Variants in GRIN2B observed in about 807,000 individuals in gnomAD.
GRIN2B encodes the protein glutamate receptor ionotropic, NMDA 2B.
GRIN2B carries 5 observed loss-of-function variants against 114.5 expected under a neutral mutation model. The ratio of observed to expected loss-of-function variants is 0.04; its 90% confidence interval spans 0.02 to 0.09. GRIN2B has a LOEUF of 0.09. Among genes scored for constraint, GRIN2B ranks in the 10% least tolerant of loss-of-function variants. The probability of loss-of-function intolerance (pLI) is 1.00; values close to 1 mark genes in which losing one functional copy is unlikely to be tolerated. For missense variants in GRIN2B, 1,108 were observed against 1,943.5 expected (o/e 0.57, Z 8.08); for synonymous variants, 787 against 745.1 (o/e 1.06, Z -0.92).
At chr12:13,763,252 T>C (rs1863715348) in intron 3 of GRIN2B, among the ~76,000 whole-genome samples, 1 of 152,200 alleles carries the variant, frequency 6.6e-6, no homozygotes, top group South Asian at 2.1e-4. Flanking sequence ...AGTACTGTCC[T>C]CACCGACACC....
chr12:13,734,782 C>T lies in GRIN2B; in HGVS notation c.1010+18535G>A, dbSNP rs575176128. Among the ~76,000 whole-genome samples the T allele has an allele frequency of 2.1e-4, 32 of 152,258 alleles. No individual in the cohort carries two copies. The East Asian group carries it at 5.6e-3, about 27-fold the overall frequency. Reference sequence around the variant, plus strand: ...AGGAATGACTAATTCTGCCTGGAATCGTCAGAGAAGGCTTCAGAGAGGAGG... The same window carrying T: ...AGGAATGACTAATTCTGCCTGGAATTGTCAGAGAAGGCTTCAGAGAGGAGG... On this transcript the variant is annotated intron_variant, in intron 4 of 13. Transcript: ENST00000609686.
intron 3 of GRIN2B, among the ~76,000 whole-genome samples, chr12:13,832,001 G>A (rs1865156723): frequency 6.6e-6 from 1 of 152,136 alleles, no homozygotes; most frequent in African/African-American, 2.4e-5. Flanking sequence ...TTCCCCTGGT[G>A]GTGAAGGGCA....
chr12:13,578,931 T>C (rs536808375), intron 10 of GRIN2B, among the ~76,000 whole-genome samples: 2 of 151,866 alleles, frequency 1.3e-5, no homozygotes, highest in South Asian at 4.2e-4. Context: ...AATGCAAAGG[T>C]TCTGACATGG....
Position 13,709,180 on chromosome 12 carries a change from C to A in GRIN2B, c.1011-33321G>T, listed in dbSNP as rs114217687. Among the ~76,000 whole-genome samples, 518 of 152,040 alleles carry A rather than the reference C, an allele frequency of 3.4e-3. 4 individuals carry two copies. The highest frequency in any genetic ancestry group is 0.012 in the African/African-American group (501 of 41,502). On this transcript the variant is annotated intron_variant, in intron 4 of 13. Transcript: ENST00000609686. ...ATATCAACAGGCAGATTGAGAAGAA[C>A]ACCAGAATTCAAAGTGTCACCAAAC...
At chr12:13,788,567 TA>T (rs1336644936) in intron 3 of GRIN2B, among the ~76,000 whole-genome samples, 1 of 152,144 alleles carries the variant, frequency 6.6e-6, no homozygotes, top group East Asian at 1.9e-4. Flanking sequence ...AAGGAAAAAT[TA>T]AGTGGTTTCC....
At chr12:13,897,503 A>G (rs1191245222) in intron 2 of GRIN2B, among the ~76,000 whole-genome samples, 1 of 152,146 alleles carries the variant, frequency 6.6e-6, no homozygotes, top group African/African-American at 2.4e-5. Flanking sequence ...CTTTACCTAA[A>G]GAAAGGTCTC....
At chr12:13,853,482 C>T (rs1865607067) in intron 3 of GRIN2B, among the ~76,000 whole-genome samples, 1 of 152,216 alleles carries the variant, frequency 6.6e-6, no homozygotes, top group Non-Finnish European at 1.5e-5. Context: ...TTTCTTTCTG[C>T]TCACTCTTTT....
chr12:13,749,708 G>A (rs1241419621), intron 4 of GRIN2B, among the ~76,000 whole-genome samples: 1 of 152,172 alleles, frequency 6.6e-6, no homozygotes, highest in Non-Finnish European at 1.5e-5. Context: ...GTAAGTAGGA[G>A]GAGCTTGAAC....
chr12:13,794,218 A>AAAG (rs1555140763), intron 3 of GRIN2B, among the ~76,000 whole-genome samples: 1 of 151,026 alleles, frequency 6.6e-6, no homozygotes, highest in Non-Finnish European at 1.5e-5. Flanking sequence ...AAAAAAAAAA[A>AAAG]AAAAAGAAAA....
chr12:13,809,228 C>CAATTTCCT (rs1864680436), intron 3 of GRIN2B, among the ~76,000 whole-genome samples: 2 of 152,110 alleles, frequency 1.3e-5, no homozygotes, highest in South Asian at 4.1e-4. Flanking sequence ...TCAGAAAAAC[C>CAATTTCCT]AATTTCCTAA....
intron 2 of GRIN2B, among the ~76,000 whole-genome samples, chr12:13,958,793 C>A (rs1267709202): frequency 6.6e-6 from 1 of 152,150 alleles, no homozygotes; most frequent in Non-Finnish European, 1.5e-5. Flanking sequence ...ACTACCAATA[C>A]AACCACAAAA....
chr12:13,647,915 A>G (rs1004234653), intron 5 of GRIN2B, among the ~76,000 whole-genome samples: 18 of 152,128 alleles, frequency 1.2e-4, no homozygotes, highest in Admixed American at 6.6e-5. Context: ...GTTGGATGAA[A>G]GGACGCTGGC....
At chr12:13,660,927 A>G (rs1424467031) in intron 5 of GRIN2B, among the ~76,000 whole-genome samples, 1 of 152,162 alleles carries the variant, frequency 6.6e-6, no homozygotes, top group Non-Finnish European at 1.5e-5. Flanking sequence ...TTTAATCAGT[A>G]TAGCATGACT....
chr12:13,811,670 T>G (rs1366461361), intron 3 of GRIN2B, among the ~76,000 whole-genome samples: 1 of 152,222 alleles, frequency 6.6e-6, no homozygotes, highest in Non-Finnish European at 1.5e-5. Flanking sequence ...CTCTATTACT[T>G]ACCTGAGGGC....
chr12:13,692,051 G>A (rs575079166), intron 4 of GRIN2B, among the ~76,000 whole-genome samples: 4 of 152,288 alleles, frequency 2.6e-5, no homozygotes, highest in Admixed American at 6.5e-5. Context: ...CATGAATGAG[G>A]CTTAAAAAGC....
At chr12:13,842,390 C>T (rs59817780) in intron 3 of GRIN2B, among the ~76,000 whole-genome samples, 5,417 of 152,260 alleles carry the variant, frequency 0.036, 117 homozygotes, top group Middle Eastern at 0.061. Flanking sequence ...ATACCACACC[C>T]GGCTTTTGTA....
chr12:13,704,779 T>C (rs985246254), intron 4 of GRIN2B, among the ~76,000 whole-genome samples: 1 of 152,188 alleles, frequency 6.6e-6, no homozygotes, highest in African/African-American at 2.4e-5. Flanking sequence ...GTAAAAGGAC[T>C]TCTAAGTCCT....
rs1948233917 is a variant in GRIN2B, at chr12:13,538,079, G to A, written c.*24704C>T. On this transcript the variant is annotated 3_prime_UTR_variant, in exon 14 of 14. Coordinates refer to ENST00000609686, the MANE Select transcript of GRIN2B (RefSeq NM_000834.5). ...AGTTTGCATTTGTAAAAGAATAGGGGAATAGAAATATTCAAATCAAGTGTT... is the reference window on the plus strand; with the variant it reads ...AGTTTGCATTTGTAAAAGAATAGGGAAATAGAAATATTCAAATCAAGTGTT... The A allele has an allele frequency of 6.6e-6, 1 of 152,166 alleles. No individual in the cohort carries two copies. Among genetic ancestry groups the A allele is most frequent in the Non-Finnish European group, 1.5e-5 (1 of 68,034 alleles). The allele number at this position is 152,166 out of a possible 1,614,324, so 9.4% of individuals were successfully genotyped here.
At chr12:13,737,057 A>T (rs1430933481) in intron 4 of GRIN2B, among the ~76,000 whole-genome samples, 1 of 151,630 alleles carries the variant, frequency 6.6e-6, no homozygotes, top group Non-Finnish European at 1.5e-5. Flanking sequence ...GAAGAAGAAA[A>T]AGAACATGCA....
Sources: allele counts gnomAD v4.1 joint callset (sites outside exome capture counted in the v4.1 genomes callset), GRCh38; gene constraint gnomAD v4.1.1; transcripts MANE v1.5; gene names NCBI Gene and HGNC (gene_info 2026-07-23, HGNC 2026-07-21).